Variants in TIAM1 observed in about 807,000 individuals in gnomAD.
TIAM1 encodes rho guanine nucleotide exchange factor TIAM1.
A neutral mutation model predicts 163.5 loss-of-function variants in TIAM1; 65 were observed. The observed-to-expected ratio is 0.40, with a 90% CI of 0.33 to 0.49. TIAM1 has a LOEUF of 0.49. TIAM1 is among the 20% of genes least tolerant of loss of function. The pLI is 0.77. For synonymous variants in TIAM1, 833 were observed against 810.1 expected (o/e 1.03, Z -0.48); for missense variants, 1,789 against 2,044.7 (o/e 0.87, Z 2.41).
At chr21:31,461,367 C>T (rs1200536607) in intron 2 of TIAM1, among the ~76,000 whole-genome samples, 1 of 152,002 alleles carries the variant, frequency 6.6e-6, no homozygotes, top group Non-Finnish European at 1.5e-5. Context: ...GTCTGTAATC[C>T]CAGCTACTCA....
chr21:31,478,788 T>C (rs572512580), intron 1 of TIAM1, among the ~76,000 whole-genome samples: 5 of 152,238 alleles, frequency 3.3e-5, no homozygotes, highest in Non-Finnish European at 5.9e-5. Context: ...ACTCCATAGA[T>C]GTGTCAAGGA....
At chr21:31,180,154 C>T (rs942879682) in intron 15 of TIAM1, among the ~76,000 whole-genome samples, 2 of 152,100 alleles carry the variant, frequency 1.3e-5, no homozygotes, top group African/African-American at 4.8e-5. Context: ...GATCCGCCTG[C>T]CTTGGCCTCC....
Position 31,339,232 on chromosome 21 carries a change from G to A in TIAM1, c.-189+11C>T, listed in dbSNP as rs1025928811. ...CCTCATTCCCCAGCCTTTTGCAAAC[G>A]CCACACTTACCCCATTGGAAACAGA... On this transcript the variant is annotated intron_variant, in intron 2 of 27. Transcript: ENST00000541036. 4 of 397,752 alleles carry A rather than the reference G, an allele frequency of 1.0e-5. No homozygotes were observed. Among genetic ancestry groups the A allele is most frequent in the Non-Finnish European group, 1.8e-5 (4 of 225,746 alleles). The allele number at this position is 397,752 out of a possible 1,614,324, so 24.6% of individuals were successfully genotyped here. A position where few individuals can be genotyped will look rare whatever the true frequency, so the allele number is the denominator to read the frequency against.
intron 22 of TIAM1, among the ~76,000 whole-genome samples, chr21:31,139,862 T>C (rs1290048817): frequency 6.6e-6 from 1 of 152,198 alleles, no homozygotes; most frequent in East Asian, 1.9e-4. Flanking sequence ...GTGCGATTCT[T>C]TGTAAAGTGT....
intron 2 of TIAM1, among the ~76,000 whole-genome samples, chr21:31,289,390 A>G (rs186849729): frequency 6.6e-5 from 10 of 152,262 alleles, no homozygotes; most frequent in African/African-American, 2.2e-4. Flanking sequence ...AAAGAAGTCC[A>G]TATTTCTTTA....
In TIAM1 at chr21:31,511,670, A is replaced by G. The variant is rs140114157; in HGVS notation, c.-422+47257T>C. Among the ~76,000 whole-genome samples, 898 of 152,284 alleles carry G rather than the reference A, an allele frequency of 5.9e-3. 24 individuals carry two copies. Among genetic ancestry groups the G allele is most frequent in the Admixed American group, 0.048 (741 of 15,280 alleles). On this transcript the variant is annotated intron_variant, in intron 1 of 28. Coordinates refer to the TIAM1 transcript ENST00000286827. The stretch of plus-strand genomic sequence containing the variant: ...TATGCTTCTCTCAGTTGTATGTGAA[A>G]TCCCGAAGAATCCTGGGTCGGGCCT...
chr21:31,355,709 ACTG>A (rs763883683), intron 2 of TIAM1, among the ~76,000 whole-genome samples: 49 of 151,792 alleles, frequency 3.2e-4, no homozygotes, highest in Admixed American at 7.2e-4. Context: ...GTGCCACCAC[ACTG>A]GGCTAATTTT....
At chr21:31,548,132 C>CTTTTTTTTTTTTTTT (rs553946414) in intron 1 of TIAM1, among the ~76,000 whole-genome samples, 2 of 74,994 alleles carry the variant, frequency 2.7e-5, no homozygotes, top group Non-Finnish European at 4.7e-5. Context: ...TTATTTGTGT[C>CTTTTTTTTTTTTTTT]TTTTTTTTTT....
At chr21:31,467,129 C>T (rs867362549) in intron 1 of TIAM1, among the ~76,000 whole-genome samples, 4 of 152,230 alleles carry the variant, frequency 2.6e-5, no homozygotes, top group South Asian at 2.1e-4. Context: ...TAAAGCTGAC[C>T]CCAGCCTGGT....
intron 2 of TIAM1, among the ~76,000 whole-genome samples, chr21:31,295,281 T>C (rs372351740): frequency 1.8e-3 from 277 of 152,174 alleles, no homozygotes; most frequent in East Asian, 0.015. Context: ...CCATCCCGGC[T>C]AACACGGTGA....
At chr21:31,194,731 C>G (rs1262894978) in intron 13 of TIAM1, among the ~76,000 whole-genome samples, 1 of 152,166 alleles carries the variant, frequency 6.6e-6, no homozygotes. Flanking sequence ...AGTAGGTCCC[C>G]TCTGCTTTAA....
intron 2 of TIAM1, among the ~76,000 whole-genome samples, chr21:31,322,362 G>A (rs1325235097): frequency 2.7e-5 from 4 of 148,418 alleles, no homozygotes; most frequent in Admixed American, 1.4e-4. Flanking sequence ...ATTCTAGCTC[G>A]TATTCACAAA....
At chr21:31,189,724 A>C (rs1364116023) in intron 13 of TIAM1, among the ~76,000 whole-genome samples, 2 of 152,016 alleles carry the variant, frequency 1.3e-5, no homozygotes, top group Non-Finnish European at 2.9e-5. Flanking sequence ...CTTGCAACAA[A>C]CATGTGAGCG....
intron 6 of TIAM1, among the ~76,000 whole-genome samples, chr21:31,232,613 T>A (rs2088504484): frequency 6.6e-6 from 1 of 152,260 alleles, no homozygotes; most frequent in African/African-American, 2.4e-5. Context: ...CCTGACACAA[T>A]GTTGTTCCTC....
At chr21:31,317,135 C>A (rs899874011) in intron 2 of TIAM1, among the ~76,000 whole-genome samples, 1 of 152,216 alleles carries the variant, frequency 6.6e-6, no homozygotes, top group Non-Finnish European at 1.5e-5. Context: ...TCCATCTTCT[C>A]AATTTCAAGT....
chr21:31,408,303 C>A (rs1162246821), intron 2 of TIAM1, among the ~76,000 whole-genome samples: 1 of 152,172 alleles, frequency 6.6e-6, no homozygotes, highest in African/African-American at 2.4e-5. Flanking sequence ...GAGAGTCTGT[C>A]AACTGAAAAT....
chr21:31,192,682 T>C (rs1601490379), intron 13 of TIAM1, among the ~76,000 whole-genome samples: 1 of 152,334 alleles, frequency 6.6e-6, no homozygotes, highest in African/African-American at 2.4e-5. Context: ...GTAGTCTTTA[T>C]GTCTTTCCAC....
intron 2 of TIAM1, among the ~76,000 whole-genome samples, chr21:31,394,189 C>T (rs552776451): frequency 1.2e-3 from 187 of 152,210 alleles, no homozygotes; most frequent in Non-Finnish European, 7.9e-4. Flanking sequence ...AATGAGCTAG[C>T]AAGCCACAGA....
At chr21:31,316,507 T>C (rs1162676924) in intron 2 of TIAM1, among the ~76,000 whole-genome samples, 1 of 152,164 alleles carries the variant, frequency 6.6e-6, no homozygotes, top group African/African-American at 2.4e-5. Context: ...AACAGTGCAT[T>C]CTTCTCCTCA....
Sources: gnomAD v4.1 joint callset for allele counts (sites outside exome capture counted in the v4.1 genomes callset) on GRCh38, gnomAD v4.1.1 for gene constraint, MANE v1.5 for transcripts, NCBI Gene and HGNC (gene_info 2026-07-23, HGNC 2026-07-21) for gene names.